Variants in ZC3HAV1 observed in about 807,000 individuals in gnomAD.
ZC3HAV1 encodes zinc finger CCCH-type containing, antiviral 1, also known as zinc finger CCCH-type antiviral protein 1.
Under a neutral mutation model 86.6 loss-of-function variants are expected in ZC3HAV1, and 41 were observed. The observed-to-expected ratio is 0.47, with a 90% CI of 0.37 to 0.61. The LOEUF is 0.61. ZC3HAV1 is among the 20% of genes least tolerant of loss of function. The pLI, the probability that ZC3HAV1 is intolerant of heterozygous loss-of-function variation, is 0.00. For missense variants in ZC3HAV1, 964 were observed against 1,141.1 expected, an observed-to-expected ratio of 0.84 and a Z score of 2.24; for synonymous variants, 421 against 432.1, an observed-to-expected ratio of 0.97 and a Z score of 0.32.
chr7:139,047,934 A>G, intron 12 of ZC3HAV1, 81 bp from the exon 13 acceptor site: 1 of 1,419,178 alleles, frequency 7.0e-7, no homozygotes, highest in East Asian at 2.4e-5. Flanking sequence ...ATACAGTCAG[A>G]TGGGTGTGGA....
At chr7:139,092,883 C>T (rs1817475287) in intron 1 of ZC3HAV1, among the ~76,000 whole-genome samples, 1 of 152,212 alleles carries the variant, frequency 6.6e-6, no homozygotes, top group African/African-American at 2.4e-5. Context: ...TCGTCTTGGT[C>T]TGACCTGCAG....
Position 139,109,348 on chromosome 7 carries a change from T to G in ZC3HAV1, c.-17A>C. ...GTCCGCCATGGCGCGCTGGCTGTGC[T>G]GGCTCTGCCGCGGCGCGGGACTCGG... On this transcript the variant is annotated 5_prime_UTR_variant, in exon 1 of 13. Transcript: ENST00000242351. 6.4e-7 allele frequency: 1 copy of G among 1,556,306 alleles called. No homozygotes were observed. Among genetic ancestry groups the G allele is most frequent in the Non-Finnish European group, 8.7e-7 (1 of 1,151,708 alleles).
chr7:139,083,105 A>G (rs1381837916), intron 3 of ZC3HAV1, among the ~76,000 whole-genome samples: 1 of 152,218 alleles, frequency 6.6e-6, no homozygotes, highest in Non-Finnish European at 1.5e-5. Flanking sequence ...ATGTATACAT[A>G]GAGAGAAAGA....
intron 2 of ZC3HAV1, 77 bp downstream of exon 2, chr7:139,089,547 G>C (rs1056822240): frequency 6.8e-6 from 10 of 1,474,744 alleles, no homozygotes; most frequent in Non-Finnish European, 4.5e-6. Context: ...AATTTTCTCT[G>C]CTCCTACTCC....
At chr7:139,095,304 T>C (rs1237427323) in intron 1 of ZC3HAV1, among the ~76,000 whole-genome samples, 1 of 152,146 alleles carries the variant, frequency 6.6e-6, no homozygotes, top group African/African-American at 2.4e-5. Flanking sequence ...TGCCGTGTTA[T>C]TAGAGGGTAG....
In ZC3HAV1 at chr7:139,108,856, G is replaced by A. The variant is rs980257927; in HGVS notation, c.308+168C>T. ...AAGGGAACTGCAAAGGTAGAAGCGC[G>A]GGCCCTGCAGAGGCTCCCAGAGGGG... On this transcript the variant is annotated intron_variant, in intron 1 of 12. Coordinates refer to ENST00000242351, the MANE Select transcript of ZC3HAV1 (RefSeq NM_020119.4). The surrounding 1 kb of genome is among the most constrained non-coding windows in gnomAD (Gnocchi z 4.2). Among the ~76,000 whole-genome samples the A allele has an allele frequency of 1.3e-5, 2 of 152,232 alleles. No homozygotes were observed. Among genetic ancestry groups the A allele is most frequent in the African/African-American group, 4.8e-5 (2 of 41,472 alleles).
chr7:139,101,871 G>A (rs1412666784), intron 1 of ZC3HAV1, among the ~76,000 whole-genome samples: 1 of 151,916 alleles, frequency 6.6e-6, no homozygotes, highest in Admixed American at 6.6e-5. Context: ...CAAACACTGC[G>A]GAAGGCCGCA....
At chr7:139,068,307 G>A (rs928932423) in intron 7 of ZC3HAV1, among the ~76,000 whole-genome samples, 9 of 152,000 alleles carry the variant, frequency 5.9e-5, no homozygotes, top group Non-Finnish European at 8.8e-5. Flanking sequence ...TGATCTGCCC[G>A]CCTCAGCCTC....
At chr7:139,087,996 C>T (rs1168779032) in intron 2 of ZC3HAV1, among the ~76,000 whole-genome samples, 1 of 127,078 alleles carries the variant, frequency 7.9e-6, no homozygotes, top group Non-Finnish European at 1.5e-5. Flanking sequence ...CATGTCATTG[C>T]ACTACAGCCC....
At chr7:139,080,934 C>A (rs944372820) in intron 3 of ZC3HAV1, among the ~76,000 whole-genome samples, 1 of 152,148 alleles carries the variant, frequency 6.6e-6, no homozygotes, top group Non-Finnish European at 1.5e-5. Flanking sequence ...AGTCTAAAGG[C>A]CTGACTTTGT....
At chr7:139,072,112 G>A (rs908407063) in intron 7 of ZC3HAV1, among the ~76,000 whole-genome samples, 1 of 152,108 alleles carries the variant, frequency 6.6e-6, no homozygotes, top group Non-Finnish European at 1.5e-5. Flanking sequence ...GCCATTAAAA[G>A]TAATTACCAC....
chr7:139,091,102 T>G (rs1584867206), intron 1 of ZC3HAV1, among the ~76,000 whole-genome samples: 3 of 151,988 alleles, frequency 2.0e-5, no homozygotes, highest in Non-Finnish European at 2.9e-5. Flanking sequence ...AGATAACCAG[T>G]CCCCGCCAGC....
chr7:139,089,427 C>G (rs986026465), intron 2 of ZC3HAV1, among the ~76,000 whole-genome samples, 197 bp downstream of exon 2: 2 of 152,132 alleles, frequency 1.3e-5, no homozygotes, highest in African/African-American at 4.8e-5. Context: ...AAGAGGTATT[C>G]CAGACTCAAA....
intron 8 of ZC3HAV1, among the ~76,000 whole-genome samples, chr7:139,063,890 G>T (rs1212142923): frequency 1.3e-5 from 2 of 151,974 alleles, no homozygotes; most frequent in Non-Finnish European, 2.9e-5. Flanking sequence ...GTACAGACTG[G>T]TCCTACTTTT....
At position 139,057,418 on chromosome 7, in the gene ZC3HAV1, G is replaced by A. The variant is rs535619925; in HGVS notation, c.2097-2123C>T. ...ATATTGTTACCACTACTACAAATACGTTACAAAGATAGTAAAATATTGACA... is the reference window on the plus strand; with the variant it reads ...ATATTGTTACCACTACTACAAATACATTACAAAGATAGTAAAATATTGACA... On this transcript the variant is annotated intron_variant, in intron 9 of 12. Transcript: ENST00000242351. Among the ~76,000 whole-genome samples the A allele has an allele frequency of 1.1e-4, 16 of 152,026 alleles. No homozygotes were observed. The South Asian group carries it at 2.3e-3, about 22-fold the overall frequency.
At position 139,076,237 on chromosome 7, in the gene ZC3HAV1, CT is replaced by C. The variant is rs143289072; in HGVS notation, c.1697+48del. 6.2e-3 allele frequency: 10,069 copies of C among 1,612,858 alleles called. 532 individuals are homozygous for C. In the African/African-American group the frequency reaches 0.11, roughly 18 times the overall value. ...CCCTGAGCCTAGCACTAATGCTTCC[CT>C]TTGATAATGTTGGACTCTTGAAAGC... On this transcript the variant is annotated intron_variant, in intron 6 of 12. Coordinates refer to ENST00000242351, the MANE Select transcript of ZC3HAV1 (RefSeq NM_020119.4).
chr7:139,058,654 T>C lies in ZC3HAV1; in HGVS notation c.2096+2382A>G, dbSNP rs527300919. Among the ~76,000 whole-genome samples, 15 of 152,262 alleles carry C rather than the reference T, an allele frequency of 9.9e-5. No individual in the cohort carries two copies. In the South Asian group the frequency reaches 3.1e-3, roughly 32 times the overall value. ...TGGAGGAGAATCACAAGGAATGTTA[T>C]AGTATGGGAAAGTGGCATTCCAGCT... is the stretch of plus-strand genomic sequence containing the variant. On this transcript the variant is annotated intron_variant, in intron 9 of 12. Transcript: ENST00000242351.
chr7:139,059,090 T>C (rs990128136), intron 9 of ZC3HAV1, among the ~76,000 whole-genome samples: 3 of 152,198 alleles, frequency 2.0e-5, no homozygotes, highest in African/African-American at 7.2e-5. Flanking sequence ...AGAACGATTG[T>C]AACGATTGTA....
intron 1 of ZC3HAV1, among the ~76,000 whole-genome samples, chr7:139,095,296 C>T (rs180703587): frequency 2.0e-5 from 3 of 152,242 alleles, no homozygotes; most frequent in African/African-American, 4.8e-5. Flanking sequence ...GATTAAATTG[C>T]CGTGTTATTA....
Sources: allele counts gnomAD v4.1 joint callset (sites outside exome capture counted in the v4.1 genomes callset), GRCh38; gene constraint gnomAD v4.1.1; non-coding constraint Gnocchi (gnomAD v3.1); transcripts MANE v1.5; gene names NCBI Gene and HGNC (gene_info 2026-07-23, HGNC 2026-07-21).